Variants in CNTNAP2 observed in about 807,000 individuals in gnomAD.
The protein encoded by CNTNAP2 is contactin-associated protein-like 2.
CNTNAP2 carries 98 observed loss-of-function variants against 155.2 expected under a neutral mutation model. The ratio of observed to expected loss-of-function variants is 0.63; its 90% CI spans 0.54 to 0.75. The LOEUF is 0.75. Among genes scored for constraint, CNTNAP2 ranks in the 30% least tolerant of loss-of-function variants. CNTNAP2 has a pLI of 0.00. For missense variants in CNTNAP2, 1,727 were observed against 1,688.1 expected (o/e 1.02, Z -0.40); for synonymous variants, 651 against 631.2 (o/e 1.03, Z -0.47).
At chr7:146,507,666 G>C (rs964194385) in intron 1 of CNTNAP2, among the ~76,000 whole-genome samples, 9 of 152,274 alleles carry the variant, frequency 5.9e-5, no homozygotes, top group African/African-American at 2.2e-4. Context: ...AACTTTGGCA[G>C]ACAATCCAGG....
At chr7:148,394,921 C>T (rs1799432764) in intron 22 of CNTNAP2, among the ~76,000 whole-genome samples, 1 of 152,096 alleles carries the variant, frequency 6.6e-6, no homozygotes, top group African/African-American at 2.4e-5. Flanking sequence ...TGACAACTCT[C>T]TCAAGTTATT....
intron 1 of CNTNAP2, among the ~76,000 whole-genome samples, chr7:146,736,845 T>C (rs1361503488): frequency 1.3e-5 from 2 of 152,112 alleles, no homozygotes; most frequent in Admixed American, 6.6e-5. Context: ...AAAAGTAACA[T>C]TGTTGAGTTT....
intron 9 of CNTNAP2, among the ~76,000 whole-genome samples, chr7:147,341,070 TTGTG>T (rs61319652): frequency 0.24 from 35,745 of 148,792 alleles, 5,373 homozygotes; most frequent in African/African-American, 0.42. Context: ...CATTGTGTGT[TTGTG>T]TGTGTGTGTG....
chr7:148,346,995 G>A (rs1381610013), intron 21 of CNTNAP2, among the ~76,000 whole-genome samples: 4 of 151,952 alleles, frequency 2.6e-5, no homozygotes, highest in Middle Eastern at 6.8e-3. Flanking sequence ...AGTGGCTCAC[G>A]CCTGTAATCC....
At chr7:148,304,650 A>G (rs1797457017) in intron 21 of CNTNAP2, among the ~76,000 whole-genome samples, 1 of 152,162 alleles carries the variant, frequency 6.6e-6, no homozygotes, top group African/African-American at 2.4e-5. Flanking sequence ...AACTTTATCT[A>G]CAAACACAGG....
At chr7:146,519,748 C>A (rs569993643) in intron 1 of CNTNAP2, among the ~76,000 whole-genome samples, 1 of 151,966 alleles carries the variant, frequency 6.6e-6, no homozygotes, top group African/African-American at 2.4e-5. Flanking sequence ...CATCGTCTCA[C>A]TGAGCATACC....
intron 1 of CNTNAP2, among the ~76,000 whole-genome samples, chr7:146,565,374 A>G: frequency 6.6e-6 from 1 of 152,150 alleles, no homozygotes; most frequent in Non-Finnish European, 1.5e-5. Context: ...ACCTGAAAGT[A>G]TATTCATAGC....
At chr7:146,558,881 A>T (rs1798238256) in intron 1 of CNTNAP2, among the ~76,000 whole-genome samples, 1 of 152,228 alleles carries the variant, frequency 6.6e-6, no homozygotes, top group African/African-American at 2.4e-5. Flanking sequence ...TATTTCACTT[A>T]GCACAATGTC....
At chr7:146,808,842 C>A (rs759592603) in intron 2 of CNTNAP2, among the ~76,000 whole-genome samples, 5 of 152,114 alleles carry the variant, frequency 3.3e-5, no homozygotes, top group Non-Finnish European at 5.9e-5. Context: ...TAAAATGTCC[C>A]TCCAGTTCAT....
chr7:147,692,496 C>T (rs1270964947), intron 13 of CNTNAP2, among the ~76,000 whole-genome samples: 2 of 152,072 alleles, frequency 1.3e-5, no homozygotes, highest in Admixed American at 6.6e-5. Flanking sequence ...GCTGTCATTG[C>T]TTCACATTCT....
chr7:147,231,326 A>G (rs184499453), intron 8 of CNTNAP2, among the ~76,000 whole-genome samples: 1 of 152,194 alleles, frequency 6.6e-6, no homozygotes. Flanking sequence ...TTGTCCATTC[A>G]TCTGTGACTG....
At chr7:147,468,395 T>C (rs576026228) in intron 10 of CNTNAP2, among the ~76,000 whole-genome samples, 46 of 152,336 alleles carry the variant, frequency 3.0e-4, no homozygotes, top group African/African-American at 1.0e-3. Context: ...CTTGTGAAAA[T>C]ATATCTTTGC....
At chr7:146,837,247 T>C (rs894976997) in intron 2 of CNTNAP2, among the ~76,000 whole-genome samples, 2 of 152,086 alleles carry the variant, frequency 1.3e-5, no homozygotes, top group African/African-American at 4.8e-5. Flanking sequence ...CTGTTTATTT[T>C]TTAAGCCTTG....
At chr7:146,898,899 A>G (rs1795935944) in intron 3 of CNTNAP2, among the ~76,000 whole-genome samples, 1 of 152,080 alleles carries the variant, frequency 6.6e-6, no homozygotes, top group South Asian at 2.1e-4. Context: ...AAAAATTGCT[A>G]TCTCTACCTT....
intron 20 of CNTNAP2, among the ~76,000 whole-genome samples, chr7:148,258,355 C>A (rs1173952360): frequency 6.6e-6 from 1 of 152,220 alleles, no homozygotes; most frequent in Non-Finnish European, 1.5e-5. Context: ...TTATCTCCCA[C>A]ACATCTACAT....
chr7:147,852,812 G>C (rs920187164), intron 13 of CNTNAP2, among the ~76,000 whole-genome samples: 1 of 152,110 alleles, frequency 6.6e-6, no homozygotes, highest in East Asian at 1.9e-4. Flanking sequence ...TATTTTATGA[G>C]ACTACGGATC....
At chr7:148,325,241 G>A (rs113222636) in intron 21 of CNTNAP2, among the ~76,000 whole-genome samples, 2,983 of 152,296 alleles carry the variant, frequency 0.02, 99 homozygotes, top group African/African-American at 0.067. Flanking sequence ...TCACGTTTAT[G>A]GCCTCAGTGC....
At position 147,483,675 on chromosome 7, in the gene CNTNAP2, T is replaced by C. The variant is rs896182417; in HGVS notation, c.1671-2260T>C. Reference sequence around the variant, plus strand: ...AATAATTTAGAAAGTAAATATACCATACAACACCATATACGTACTGAATTC... The same window carrying C: ...AATAATTTAGAAAGTAAATATACCACACAACACCATATACGTACTGAATTC... On this transcript the variant is annotated intron_variant, in intron 10 of 23. Transcript: ENST00000361727. Among the ~76,000 whole-genome samples the C allele has an allele frequency of 3.9e-5, 6 of 152,220 alleles. No homozygotes were observed. In the East Asian group the frequency reaches 1.2e-3, roughly 29 times the overall value.
At chr7:147,875,441 C>G (rs1048353302) in intron 13 of CNTNAP2, among the ~76,000 whole-genome samples, 1 of 152,084 alleles carries the variant, frequency 6.6e-6, no homozygotes, top group African/African-American at 2.4e-5. Flanking sequence ...AAACCCAGCC[C>G]CATGATTCAA....
Sources: gnomAD v4.1 joint callset for allele counts (sites outside exome capture counted in the v4.1 genomes callset) on GRCh38, gnomAD v4.1.1 for gene constraint, MANE v1.5 for transcripts, NCBI Gene and HGNC (gene_info 2026-07-23, HGNC 2026-07-21) for gene names.